The following IRS2 variants were observed in gnomAD, a reference collection of about 807,000 sequenced individuals.
IRS2 encodes insulin receptor substrate 2.
In IRS2, 28 loss-of-function variants were observed where a neutral mutation model predicts 70.9. The ratio of observed to expected loss-of-function variants is 0.39; its 90% confidence interval spans 0.29 to 0.54. The LOEUF (loss-of-function observed/expected upper bound fraction) is 0.54, where lower values mean the gene tolerates loss of function less well. Ranked by LOEUF, IRS2 falls within the 20% of genes least tolerant of loss-of-function variation. The pLI is 0.59. For synonymous variants in IRS2, 1,217 were observed against 981.9 expected (o/e 1.24, Z -4.48); for missense variants, 2,081 against 2,024.1 (o/e 1.03, Z -0.54).
intron 1 of IRS2, among the ~76,000 whole-genome samples, chr13:109,770,358 GTACC>G: frequency 6.6e-6 from 1 of 152,228 alleles, no homozygotes; most frequent in African/African-American, 2.4e-5. Flanking sequence ...ACAGAATGAA[GTACC>G]AGGAGAGCTT....
intron 1 of IRS2, among the ~76,000 whole-genome samples, chr13:109,778,516 T>G (rs928316773): frequency 6.6e-6 from 1 of 152,162 alleles, no homozygotes; most frequent in Admixed American, 6.5e-5. Flanking sequence ...GCCAGCCAAC[T>G]AAAGCAAACT....
chr13:109,782,358 A>G lies in IRS2; in HGVS notation c.3696T>C (p.Pro1232=). Residue 1232 remains proline, a synonymous_variant, in exon 1 of 2, where the codon CCT becomes CCC. Coordinates refer to ENST00000375856, the MANE Select transcript of IRS2 (RefSeq NM_003749.3). The part of the protein sequence containing the change: ...PGQPGGLVGC[P]GSGGSPMRRE... ...TGCGCATGGGCGATCCACCGCTCCC[A>G]GGACAACCGACCAAGCCCCCGGGCT... 1 of 1,611,742 alleles carries G rather than the reference A, an allele frequency of 6.2e-7. No individual in the cohort carries two copies. Among genetic ancestry groups the G allele is most frequent in the Non-Finnish European group, 8.5e-7 (1 of 1,179,434 alleles).
In IRS2 at chr13:109,782,734, C is replaced by T; in HGVS notation, c.3320G>A (p.Arg1107Lys). The T allele has an allele frequency of 6.3e-7, 1 of 1,597,416 alleles. No individual in the cohort carries two copies. Among genetic ancestry groups the T allele is most frequent in the Non-Finnish European group, 8.5e-7 (1 of 1,172,588 alleles). Residue 1107 changes from arginine to lysine, a missense_variant, in exon 1 of 2, where the codon AGG becomes AAG. Arg to Lys is a conservative substitution (Grantham distance 26). Around this residue, in one of 4 missense-constraint regions of IRS2, gnomAD observed 1,615 missense variants for 1,459.5 expected, o/e 1.11. Transcript: ENST00000375856. ...CGACACCTGCTCCATGAGGCTCAGCCTCTTCACGCCCGACGTCGGGCTGGC... is the reference window on the plus strand; with the variant it reads ...CGACACCTGCTCCATGAGGCTCAGCTTCTTCACGCCCGACGTCGGGCTGGC... ...RVASPTSGVKRLSLMEQVSGV... is the reference protein window; with the variant it reads ...RVASPTSGVKKLSLMEQVSGV...
chr13:109,775,753 A>AACACACACACACACAC (rs71127906), intron 1 of IRS2, among the ~76,000 whole-genome samples: 21 of 140,536 alleles, frequency 1.5e-4, no homozygotes, highest in African/African-American at 3.2e-4. Flanking sequence ...ATATTATGGA[A>AACACACACACACACAC]ACACACACAC....
chr13:109,776,810 A>G (rs560519683), intron 1 of IRS2, among the ~76,000 whole-genome samples: 3 of 152,332 alleles, frequency 2.0e-5, no homozygotes, highest in Admixed American at 6.5e-5. Flanking sequence ...TGTGTACAAT[A>G]ATCTACCTGA....
At chr13:109,761,575 C>A in intron 1 of IRS2, among the ~76,000 whole-genome samples, 1 of 141,582 alleles carries the variant, frequency 7.1e-6, no homozygotes, top group African/African-American at 2.6e-5. Flanking sequence ...TAAAGCAAGA[C>A]ACTCTAAGAA....
At chr13:109,762,645 G>A (rs1594380013) in intron 1 of IRS2, among the ~76,000 whole-genome samples, 1 of 152,174 alleles carries the variant, frequency 6.6e-6, no homozygotes, top group Non-Finnish European at 1.5e-5. Flanking sequence ...CCTGTGAGTC[G>A]ATGAGGGTGT....
In IRS2 at chr13:109,785,691, G is replaced by C; in HGVS notation, c.363C>G (p.Tyr121Ter). 1 of 1,600,432 alleles carries C rather than the reference G, an allele frequency of 6.2e-7. No homozygotes were observed. The highest frequency in any genetic ancestry group is 8.5e-7 in the Non-Finnish European group (1 of 1,177,396). The change falls in exon 1 of 2, where the codon TAC becomes TAG. Residue 121 changes from tyrosine to a stop codon, truncating the protein, a stop_gained. Transcript: ENST00000375856. LOFTEE classifies it high-confidence loss of function. This position sits in a 1 kb window ranked among gnomAD's most constrained non-coding sequence, Gnocchi z 9.3. The stretch of plus-strand genomic sequence containing the variant: ...GCTCGTTCTCGGCGGCCACGGCGAA[G>C]TACTCGTCCTTGGTGTAGAGGGCGA... ...YLIALYTKDE[Y>*]FAVAAENEQE... is the part of the protein sequence containing the mutation.
chr13:109,759,690 T>C (rs1378358629), intron 1 of IRS2, among the ~76,000 whole-genome samples: 2 of 152,162 alleles, frequency 1.3e-5, no homozygotes, highest in South Asian at 4.1e-4. Context: ...TGGTAGAATC[T>C]TTGCCACACA....
chr13:109,781,854 A>G (rs1201818677), intron 1 of IRS2, among the ~76,000 whole-genome samples, 188 bp downstream of exon 1: 2 of 152,202 alleles, frequency 1.3e-5, no homozygotes, highest in Non-Finnish European at 2.9e-5. Context: ...TCCAAGACGA[A>G]TGTTCCTGGC....
At chr13:109,765,315 CAAAT>C (rs1180751756) in intron 1 of IRS2, among the ~76,000 whole-genome samples, 1 of 152,178 alleles carries the variant, frequency 6.6e-6, no homozygotes, top group East Asian at 1.9e-4. Context: ...ACTGGAGAAG[CAAAT>C]AAAATAAGAC....
rs138549709 is a variant in IRS2, at chr13:109,782,351, C to G, written c.3703G>C (p.Gly1235Arg). 4 of 1,611,642 alleles carry G rather than the reference C, an allele frequency of 2.5e-6. No homozygotes were observed. In the African/African-American group the frequency reaches 4.0e-5, roughly 16 times the overall value. The stretch of plus-strand genomic sequence containing the variant: ...GTCTCTCTGCGCATGGGCGATCCAC[C>G]GCTCCCAGGACAACCGACCAAGCCC... ...PGGLVGCPGS[G>R]GSPMRRETSA... Residue 1235 changes from glycine to arginine, a missense_variant, in exon 1 of 2, where the codon GGT becomes CGT. Gly to Arg is a moderately radical substitution (Grantham distance 125, BLOSUM62 -2). This residue lies in a region of IRS2 where 1,615 missense variants were observed against 1,459.5 expected (regional missense o/e 1.11). Transcript: ENST00000375856.
rs985248857 is a variant in IRS2 at position 109,754,381 on chromosome 13, C to T, written c.*1923G>A. The T allele has an allele frequency of 3.3e-5, 7 of 211,674 alleles. No individual in the cohort carries two copies. Among genetic ancestry groups the T allele is most frequent in the African/African-American group, 6.8e-5 (3 of 44,158 alleles). The allele number at this position is 211,674 out of a possible 1,614,324, so 13.1% of individuals were successfully genotyped here. Reference sequence around the variant, plus strand: ...TCTGTATAGTGTCATGACTACTCTACGGATAGAGGGCGAGTTAAATATGCG... The same window carrying T: ...TCTGTATAGTGTCATGACTACTCTATGGATAGAGGGCGAGTTAAATATGCG... On this transcript the variant is annotated 3_prime_UTR_variant, in exon 2 of 2. Transcript: ENST00000375856.
chr13:109,761,682 A>C (rs1311491558), intron 1 of IRS2, among the ~76,000 whole-genome samples: 2 of 152,194 alleles, frequency 1.3e-5, no homozygotes, highest in African/African-American at 2.4e-5. Context: ...ATTGGAAAAA[A>C]AACTAACTTA....
intron 1 of IRS2, among the ~76,000 whole-genome samples, chr13:109,763,416 A>T (rs889332862): frequency 6.6e-6 from 1 of 152,104 alleles, no homozygotes; most frequent in African/African-American, 2.4e-5. Flanking sequence ...AATTTCTCTT[A>T]GCTACCGCTA....
chr13:109,781,627 G>C (rs754381842), intron 1 of IRS2, among the ~76,000 whole-genome samples: 1 of 152,208 alleles, frequency 6.6e-6, no homozygotes, highest in Admixed American at 6.5e-5. Context: ...TGAAAGCTGC[G>C]GCTGAGGGCA....
chr13:109,768,670 A>G (rs1450046345), intron 1 of IRS2, among the ~76,000 whole-genome samples: 1 of 152,232 alleles, frequency 6.6e-6, no homozygotes, highest in Non-Finnish European at 1.5e-5. Flanking sequence ...AGAGTTCGAA[A>G]TAAGCGGATT....
Position 109,755,948 on chromosome 13 carries a change from C to T in IRS2, c.*356G>A. 2.7e-6 allele frequency: 1 copy of T among 373,646 alleles called. No homozygotes were observed. The highest frequency in any genetic ancestry group is 4.2e-5 in the East Asian group (1 of 23,676). 23.1% of individuals were successfully genotyped at this position (373,646 alleles called of 1,614,324 possible). A position where few individuals can be genotyped will look rare whatever the true frequency, so the allele number is the denominator to read the frequency against. Reference sequence around the variant, plus strand: ...CCTAGCATGCTGAGGGTTATATCTGCTTTGCCAAAAGGAAAAGAAGAAGAA... The same window carrying T: ...CCTAGCATGCTGAGGGTTATATCTGTTTTGCCAAAAGGAAAAGAAGAAGAA... On this transcript the variant is annotated 3_prime_UTR_variant, in exon 2 of 2. Transcript: ENST00000375856.
Position 109,786,111 on chromosome 13 carries a change from C to A in IRS2, c.-58G>T. On this transcript the variant is annotated 5_prime_UTR_variant, in exon 1 of 2. Coordinates refer to ENST00000375856, the MANE Select transcript of IRS2 (RefSeq NM_003749.3). The surrounding 1 kb of genome is among the most constrained non-coding windows in gnomAD (Gnocchi z 4.4). ...GGCGCCCAGGGGTTGGGGCGAGGGG[C>A]GGAGGGGGCGCGGGCGGGGGCGGCT... 5 of 919,886 alleles carry A rather than the reference C, an allele frequency of 5.4e-6. No homozygotes were observed. The highest frequency in any genetic ancestry group is 6.5e-6 in the Non-Finnish European group (5 of 771,832). The allele number at this position is 919,886 out of a possible 1,614,324, so 57.0% of individuals were successfully genotyped here. A position where few individuals can be genotyped will look rare whatever the true frequency, so the allele number is the denominator to read the frequency against.
Sources: allele counts gnomAD v4.1 joint callset (sites outside exome capture counted in the v4.1 genomes callset), GRCh38; gene constraint gnomAD v4.1.1; regional missense constraint gnomAD v4.1.1; non-coding constraint Gnocchi (gnomAD v3.1); transcripts MANE v1.5; gene names NCBI Gene and HGNC (gene_info 2026-07-23, HGNC 2026-07-21).